CFAP251: variants seen among roughly 807,000 people sequenced by gnomAD.
CFAP251 encodes the protein cilia and flagella associated protein 251.
In CFAP251, 93 loss-of-function variants were observed where a neutral mutation model predicts 126.7. The ratio of observed to expected loss-of-function variants is 0.73; its 90% CI spans 0.62 to 0.87. CFAP251 has a LOEUF of 0.87. Among genes scored for constraint, CFAP251 ranks in the 40% least tolerant of loss-of-function variants. The pLI, the probability that CFAP251 is intolerant of heterozygous loss-of-function variation, is 0.00. For missense variants in CFAP251, 1,287 were observed against 1,389.2 expected, an observed-to-expected ratio of 0.93 and a Z score of 1.17; for synonymous variants, 503 against 506.9, an observed-to-expected ratio of 0.99 and a Z score of 0.10.
At chr12:121,975,452 G>A in intron 18 of CFAP251, 90 bp from the exon 19 acceptor site, 1 of 1,579,962 alleles carries the variant, frequency 6.3e-7, no homozygotes, top group South Asian at 1.1e-5. Flanking sequence ...AGCTTAAAAG[G>A]TACTTTCTAG....
chr12:121,969,870 T>C, intron 17 of CFAP251: 1 of 985,444 alleles, frequency 1.0e-6, no homozygotes, highest in Non-Finnish European at 1.2e-6. Context: ...GCCTCTGCTT[T>C]CCAATAGCTT....
intron 19 of CFAP251, among the ~76,000 whole-genome samples, chr12:121,982,727 T>A (rs1882652769): frequency 6.6e-6 from 1 of 152,074 alleles, no homozygotes; most frequent in South Asian, 2.1e-4. Flanking sequence ...TGGTGAGGTG[T>A]TTAGCCCTGG....
chr12:121,941,790 C>T (rs1327766026), intron 5 of CFAP251, among the ~76,000 whole-genome samples: 1 of 152,084 alleles, frequency 6.6e-6, no homozygotes, highest in Non-Finnish European at 1.5e-5. Flanking sequence ...CATGATTTCC[C>T]TAGGAAAAAG....
At position 121,934,413 on chromosome 12, in the gene CFAP251, T is replaced by C. The variant is rs992848639; in HGVS notation, c.998+57T>C. On this transcript the variant is annotated intron_variant, in intron 5 of 21. Coordinates refer to ENST00000288912, the MANE Select transcript of CFAP251 (RefSeq NM_144668.6). The stretch of plus-strand genomic sequence containing the variant: ...TGAATTTCTGTAGAGTATCTGCCAC[T>C]GTGTGACAGTGACAGAATGAGCAAT... The C allele has an allele frequency of 4.9e-5, 64 of 1,308,330 alleles. No individual in the cohort carries two copies. The African/African-American group carries it at 6.0e-4, about 12-fold the overall frequency. 81.0% of individuals were successfully genotyped at this position (1,308,330 alleles called of 1,614,324 possible).
chr12:121,968,984 A>G, intron 17 of CFAP251: 9 of 985,360 alleles, frequency 9.1e-6, no homozygotes, highest in Non-Finnish European at 1.1e-5. Context: ...GCCGCAGGGC[A>G]GAGTCAACCA....
chr12:121,961,755 A>G (rs1437669529), intron 14 of CFAP251, among the ~76,000 whole-genome samples: 1 of 152,218 alleles, frequency 6.6e-6, no homozygotes. Context: ...CTGTTTTTAG[A>G]GCACTCAGCT....
chr12:121,961,629 T>G (rs961895858), intron 14 of CFAP251, among the ~76,000 whole-genome samples: 26 of 152,226 alleles, frequency 1.7e-4, no homozygotes, highest in African/African-American at 5.5e-4. Flanking sequence ...CTGCCACTTT[T>G]TAGCTATGTG....
At chr12:121,958,647 C>T (rs1309310499) in intron 12 of CFAP251, 125 bp downstream of exon 12, 3 of 1,438,100 alleles carry the variant, frequency 2.1e-6, no homozygotes, top group African/African-American at 2.9e-5. Context: ...CTGGATGAGG[C>T]GCCTTCTCTC....
At chr12:121,928,638 GTATA>G (rs57700530) in intron 3 of CFAP251, among the ~76,000 whole-genome samples, 13,430 of 33,282 alleles carry the variant, frequency 0.4, 2,029 homozygotes, top group South Asian at 0.46. Context: ...ATATATATAC[GTATA>G]TATATATATA....
chr12:121,976,134 G>A (rs149845116), intron 19 of CFAP251, among the ~76,000 whole-genome samples: 3,002 of 151,554 alleles, frequency 0.02, 112 homozygotes, highest in African/African-American at 0.069. Context: ...TCAGCCTTCC[G>A]AGTAGCTGGG....
intron 5 of CFAP251, among the ~76,000 whole-genome samples, chr12:121,935,579 G>T (rs907582641): frequency 2.6e-5 from 4 of 152,224 alleles, no homozygotes; most frequent in Non-Finnish European, 4.4e-5. Context: ...GTACAGGTCA[G>T]GGATTTGGTA....
In CFAP251 at chr12:121,942,966, C is replaced by T. The variant is rs369402877; in HGVS notation, c.1182C>T (p.Tyr394=). ...GCACTCTCGAACTCCCCACAGAGTACGGTGTTCAGGTGAGTTCAGTTGGAG... is the reference window on the plus strand; with the variant it reads ...GCACTCTCGAACTCCCCACAGAGTATGGTGTTCAGGTGAGTTCAGTTGGAG... ...PACTLELPTE[Y]GVQNYVTFNP... is the part of the protein sequence containing the mutation. The change falls in exon 7 of 22, where the codon TAC becomes TAT. Residue 394 remains tyrosine (Y), a synonymous_variant. Transcript: ENST00000288912. 94 of 1,614,120 alleles carry T rather than the reference C, an allele frequency of 5.8e-5. No homozygotes were observed. Among genetic ancestry groups the T allele is most frequent in the Non-Finnish European group, 6.5e-5 (77 of 1,180,004 alleles).
At chr12:121,944,442 C>T (rs966630512) in intron 7 of CFAP251, among the ~76,000 whole-genome samples, 5 of 152,136 alleles carry the variant, frequency 3.3e-5, no homozygotes, top group African/African-American at 7.2e-5. Flanking sequence ...GTTTTGATAG[C>T]GATAGTGTTG....
intron 19 of CFAP251, among the ~76,000 whole-genome samples, chr12:121,982,815 A>G (rs1218445388): frequency 2.0e-5 from 3 of 152,128 alleles, no homozygotes; most frequent in Non-Finnish European, 2.9e-5. Flanking sequence ...TCTGCTTCCT[A>G]TAGAAATAAG....
chr12:121,946,474 T>C (rs539954993), intron 7 of CFAP251, among the ~76,000 whole-genome samples: 11 of 152,348 alleles, frequency 7.2e-5, no homozygotes, highest in African/African-American at 2.6e-4. Flanking sequence ...TCTTCTGGTT[T>C]CTACCATTTC....
At chr12:121,940,709 A>G (rs1055055879) in intron 5 of CFAP251, among the ~76,000 whole-genome samples, 1 of 152,080 alleles carries the variant, frequency 6.6e-6, no homozygotes, top group Non-Finnish European at 1.5e-5. Context: ...CTTGCATGTC[A>G]TCTAATTCTG....
intron 4 of CFAP251, 117 bp from the exon 5 acceptor site, chr12:121,934,130 C>A: frequency 1.4e-6 from 1 of 707,428 alleles, no homozygotes; most frequent in Non-Finnish European, 2.3e-6. Context: ...GAATTTCCAG[C>A]CAGATGAGCG....
chr12:121,964,945 C>T (rs895521988), intron 15 of CFAP251, among the ~76,000 whole-genome samples: 4 of 152,102 alleles, frequency 2.6e-5, no homozygotes, highest in African/African-American at 9.7e-5. Flanking sequence ...TGAACAGTTC[C>T]ATGGCATTTA....
intron 17 of CFAP251, chr12:121,970,003 A>G (rs1882280118): frequency 1.0e-6 from 1 of 965,620 alleles, no homozygotes; most frequent in South Asian, 4.8e-5. Context: ...TCAGCACTTC[A>G]CTAATGGAGA....
Sources: gnomAD v4.1 joint callset for allele counts (sites outside exome capture counted in the v4.1 genomes callset) on GRCh38, gnomAD v4.1.1 for gene constraint, MANE v1.5 for transcripts, NCBI Gene and HGNC (gene_info 2026-07-23, HGNC 2026-07-21) for gene names.